CPS1: variants seen among roughly 807,000 people sequenced by gnomAD.
The protein encoded by CPS1 is carbamoyl-phosphate synthase 1.
A neutral mutation model predicts 174.6 loss-of-function variants in CPS1; 109 were observed. That is an observed-to-expected ratio of 0.62 (90% CI 0.53 to 0.73). The LOEUF (loss-of-function observed/expected upper bound fraction) is 0.73. CPS1 is among the 30% of genes least tolerant of loss of function. The pLI is 0.00. For synonymous variants in CPS1, 637 were observed against 632.0 expected (o/e 1.01, Z -0.12); for missense variants, 1,689 against 1,821.9 (o/e 0.93, Z 1.33).
At chr2:210,586,669 T>C (rs557292984) in intron 6 of CPS1, among the ~76,000 whole-genome samples, 1 of 152,216 alleles carries the variant, frequency 6.6e-6, no homozygotes, top group African/African-American at 2.4e-5. Flanking sequence ...CAGTATTTAA[T>C]GTGTTTGTGT....
At chr2:210,643,809 A>T (rs1700296485) in intron 25 of CPS1, among the ~76,000 whole-genome samples, 2 of 152,228 alleles carry the variant, frequency 1.3e-5, no homozygotes, top group Non-Finnish European at 2.9e-5. Context: ...CCTCTCTCTG[A>T]CATGGTTGTT....
rs2287597 is a variant in CPS1 at position 210,663,355 on chromosome 2, C to T, written c.4002+158C>T. Among the ~76,000 whole-genome samples the T allele has an allele frequency of 1.3e-3, 203 of 152,260 alleles. 8 individuals carry two copies. In the East Asian group the frequency reaches 0.036, roughly 27 times the overall value. ...TTTGAATTTAAAAAATATTTTACTT[C>T]TATTTTGAATAGGGTCTAAATTCTT... On this transcript the variant is annotated intron_variant, in intron 33 of 37. Transcript: ENST00000233072.
At chr2:210,546,848 T>C (rs771626080) in intron 1 of CPS1, among the ~76,000 whole-genome samples, 21 of 152,274 alleles carry the variant, frequency 1.4e-4, no homozygotes, top group Non-Finnish European at 3.1e-4. Flanking sequence ...TCATTTCTTA[T>C]CTACACCCCT....
chr2:210,639,392 C>A (rs1700139226), intron 23 of CPS1, among the ~76,000 whole-genome samples, 177 bp downstream of exon 23: 1 of 151,156 alleles, frequency 6.6e-6, no homozygotes, highest in Non-Finnish European at 1.5e-5. Flanking sequence ...GCGGGTGGAT[C>A]ATGAGGTCAG....
chr2:210,573,464 A>G (rs1697584671), intron 2 of CPS1, 57 bp downstream of exon 2: 2 of 1,267,186 alleles, frequency 1.6e-6, no homozygotes, highest in Admixed American at 1.7e-5. Flanking sequence ...TAACTGGAAG[A>G]TCTCACTCAT....
In CPS1 at chr2:210,571,779, G is replaced by A. The variant is rs528737241; in HGVS notation, c.127-1519G>A. On this transcript the variant is annotated intron_variant, in intron 1 of 37. Coordinates refer to ENST00000233072, the MANE Select transcript of CPS1 (RefSeq NM_001875.5). ...CATTTTAACATTTGAAAAATTGAGT[G>A]CATGTTATAAAGCAAGAGGAACATA... Among the ~76,000 whole-genome samples the A allele has an allele frequency of 2.6e-5, 4 of 151,890 alleles. No individual in the cohort carries two copies. The South Asian group carries it at 8.3e-4, about 32-fold the overall frequency.
At position 210,591,879 on chromosome 2, in the gene CPS1, T is replaced by C. The variant is rs754231161; in HGVS notation, c.996T>C (p.Ile332=). 1.2e-6 allele frequency: 2 copies of C among 1,612,498 alleles called. No individual in the cohort carries two copies. The highest frequency in any genetic ancestry group is 2.7e-5 in the African/African-American group (2 of 74,820). The change falls in exon 10 of 38, where the codon ATT becomes ATC. Residue 332 remains isoleucine, a synonymous_variant. Transcript: ENST00000233072. Reference sequence around the variant, plus strand: ...ATATCACAAACAAACAGGCTTTCATTACTGCTCAGAATCATGGCTATGCCT... The same window carrying C: ...ATATCACAAACAAACAGGCTTTCATCACTGCTCAGAATCATGGCTATGCCT... ...VLNITNKQAF[I]TAQNHGYALD...
chr2:210,477,753 A>G, exon 1 of CPS1: 1 of 1,613,522 alleles, frequency 6.2e-7, no homozygotes, highest in Non-Finnish European at 8.5e-7. Context: ...ATGAAGATTT[A>G]GCCGAGGCCC....
intron 34 of CPS1, 86 bp from the exon 35 acceptor site, chr2:210,674,816 T>C: frequency 1.8e-6 from 2 of 1,086,004 alleles, no homozygotes; most frequent in Non-Finnish European, 2.9e-6. Flanking sequence ...TAACATTGTC[T>C]TTTAAGATGT....
rs1180565416 is a variant in CPS1, at chr2:210,606,858, T to A, written c.2109T>A (p.Leu703=). The A allele has an allele frequency of 1.2e-6, 2 of 1,612,548 alleles. No homozygotes were observed. The highest frequency in any genetic ancestry group is 1.7e-6 in the Non-Finnish European group (2 of 1,179,138). ...GTGAATGCAACATTCAGTTTGCCCT[T>A]CATCCTACCTCAATGGAATACTGCA... ...IVGECNIQFA[L]HPTSMEYCII... Residue 703 remains leucine (L), a synonymous_variant, in exon 18 of 38, where the codon CTT becomes CTA. Transcript: ENST00000233072.
intron 34 of CPS1, among the ~76,000 whole-genome samples, chr2:210,669,034 A>C (rs953887964): frequency 1.3e-5 from 2 of 152,160 alleles, no homozygotes; most frequent in African/African-American, 4.8e-5. Context: ...GGCCTAATAC[A>C]GTCAGTTTAT....
intron 21 of CPS1, among the ~76,000 whole-genome samples, chr2:210,620,535 A>T (rs1462923321): frequency 6.6e-6 from 1 of 152,050 alleles, no homozygotes; most frequent in Non-Finnish European, 1.5e-5. Context: ...CAGTTCTGTA[A>T]ACTTCACAGG....
Position 210,606,828 on chromosome 2 carries a change from T to C in CPS1, c.2079T>C (p.Ile693=), listed in dbSNP as rs1338778311. 1 of 1,612,536 alleles carries C rather than the reference T, an allele frequency of 6.2e-7. No homozygotes were observed. The highest frequency in any genetic ancestry group is 8.5e-7 in the Non-Finnish European group (1 of 1,179,126). ...TCAATGTTGTTCGCCACTTGGGCAT[T>C]GTGGGTGAATGCAACATTCAGTTTG... ...TSINVVRHLG[I]VGECNIQFAL... Residue 693 remains isoleucine (I), a synonymous_variant, in exon 18 of 38, where the codon ATT becomes ATC. Transcript: ENST00000233072.
intron 34 of CPS1, chr2:210,672,333 A>G (rs1260455932): frequency 2.6e-5 from 4 of 152,222 alleles, no homozygotes; most frequent in Admixed American, 2.6e-4. Flanking sequence ...TAATGTATCA[A>G]TTAGCAAGTG....
At chr2:210,603,092 A>G (rs1264353426) in intron 16 of CPS1, among the ~76,000 whole-genome samples, 1 of 152,086 alleles carries the variant, frequency 6.6e-6, no homozygotes, top group East Asian at 2.0e-4. Context: ...AAAATAGAAC[A>G]GTGCCTGGAA....
chr2:210,550,694 G>GGTGTACA (rs1275358567), intron 1 of CPS1, among the ~76,000 whole-genome samples: 1 of 151,630 alleles, frequency 6.6e-6, no homozygotes, highest in African/African-American at 2.4e-5. Context: ...AACAGCAAGT[G>GGTGTACA]GTGTACATAT....
intron 29 of CPS1, among the ~76,000 whole-genome samples, chr2:210,655,704 T>C (rs747225394): frequency 5.3e-5 from 8 of 152,202 alleles, no homozygotes; most frequent in Non-Finnish European, 1.2e-4. Flanking sequence ...ACTAAGTAAG[T>C]AAAGCACTTT....
chr2:210,498,070 C>G (rs1298298732), intron 1 of CPS1, among the ~76,000 whole-genome samples: 2 of 151,564 alleles, frequency 1.3e-5, no homozygotes, highest in African/African-American at 4.8e-5. Flanking sequence ...ACAGCCTCGC[C>G]AGCATCGGTT....
At chr2:210,510,983 G>C (rs897672315) in intron 1 of CPS1, among the ~76,000 whole-genome samples, 9 of 152,232 alleles carry the variant, frequency 5.9e-5, no homozygotes, top group Middle Eastern at 3.4e-3. Context: ...CGATTCCTCA[G>C]GGATCTAGAA....
Sources: gnomAD v4.1 joint callset for allele counts (sites outside exome capture counted in the v4.1 genomes callset) on GRCh38, gnomAD v4.1.1 for gene constraint, MANE v1.5 for transcripts, NCBI Gene and HGNC (gene_info 2026-07-23, HGNC 2026-07-21) for gene names.